Variants in RAB8B observed in about 807,000 individuals in gnomAD.
RAB8B encodes the protein ras-related protein Rab-8B.
RAB8B carries 11 observed loss-of-function variants against 32.0 expected under a neutral mutation model. The ratio of observed to expected loss-of-function variants is 0.34; its 90% CI spans 0.22 to 0.57. The LOEUF (loss-of-function observed/expected upper bound fraction) is 0.57. Among genes scored for constraint, RAB8B ranks in the 20% least tolerant of loss-of-function variants. The pLI, the probability that RAB8B is intolerant of heterozygous loss-of-function variation, is 0.86. For synonymous variants in RAB8B, 103 were observed against 89.6 expected (o/e 1.15, Z -0.85); for missense variants, 190 against 258.5 (o/e 0.73, Z 1.82).
At chr15:63,253,656 A>AAAAG (rs749511294) in intron 3 of RAB8B, among the ~76,000 whole-genome samples, 1 of 152,164 alleles carries the variant, frequency 6.6e-6, no homozygotes, top group Non-Finnish European at 1.5e-5. Context: ...ATCTCTAAAA[A>AAAAG]AAAGAAAGAA....
chr15:63,237,481 G>T lies in RAB8B; in HGVS notation c.125-7275G>T, dbSNP rs1595745035. Among the ~76,000 whole-genome samples, 3 of 152,270 alleles carry T rather than the reference G, an allele frequency of 2.0e-5. No individual in the cohort carries two copies. In the South Asian group the frequency reaches 6.2e-4, roughly 32 times the overall value. On this transcript the variant is annotated intron_variant, in intron 1 of 7. Transcript: ENST00000321437. ...TAGTTTTCATTTGCATTTCTCTGAT[G>T]ATCACTGATGTTGAACACCTTTTCA...
intron 1 of RAB8B, among the ~76,000 whole-genome samples, chr15:63,212,098 G>T (rs1012097663): frequency 2.0e-5 from 3 of 152,108 alleles, no homozygotes; most frequent in Non-Finnish European, 2.9e-5. Flanking sequence ...ATCCCAAAGC[G>T]CTGGGATTAC....
intron 5 of RAB8B, among the ~76,000 whole-genome samples, chr15:63,258,634 T>G (rs767447498): frequency 6.6e-5 from 10 of 151,778 alleles, no homozygotes; most frequent in Non-Finnish European, 1.5e-4. Context: ...AGAGTGGGAG[T>G]GGGCTTGAGC....
chr15:63,193,067 A>G (rs1361969224), intron 1 of RAB8B, among the ~76,000 whole-genome samples: 2 of 152,126 alleles, frequency 1.3e-5, no homozygotes, highest in Non-Finnish European at 2.9e-5. Flanking sequence ...TACAAAAAGT[A>G]AATTAAAAAA....
chr15:63,258,824 C>G (rs189173708), intron 5 of RAB8B, among the ~76,000 whole-genome samples: 1 of 152,136 alleles, frequency 6.6e-6, no homozygotes, highest in African/African-American at 2.4e-5. Flanking sequence ...CCTGCGCAGA[C>G]GTCTGATTGG....
At position 63,263,852 on chromosome 15, in the gene RAB8B, CT is replaced by C; in HGVS notation, c.*234del. ...AAGTGGAGACACATGCAGGACCTAA[CT>C]CGTTTTTTCCTTGTTTTATTACCTG... On this transcript the variant is annotated 3_prime_UTR_variant, in exon 8 of 8. Coordinates refer to ENST00000321437, the MANE Select transcript of RAB8B (RefSeq NM_016530.3). The C allele has an allele frequency of 7.1e-6, 3 of 420,888 alleles. No homozygotes were observed. In the Admixed American group the frequency reaches 1.2e-4, roughly 17 times the overall value. The allele number at this position is 420,888 out of a possible 1,614,324, so 26.1% of individuals were successfully genotyped here.
chr15:63,257,237 A>G (rs551102094), intron 5 of RAB8B, among the ~76,000 whole-genome samples: 5 of 151,918 alleles, frequency 3.3e-5, no homozygotes, highest in African/African-American at 1.2e-4. Context: ...TAAAAAAATT[A>G]TATATGCAAA....
chr15:63,209,554 G>A (rs1219480088), intron 1 of RAB8B, among the ~76,000 whole-genome samples: 1 of 152,030 alleles, frequency 6.6e-6, no homozygotes, highest in Admixed American at 6.6e-5. Flanking sequence ...TCACACCACT[G>A]CACTCCAGCC....
intron 1 of RAB8B, among the ~76,000 whole-genome samples, chr15:63,210,782 C>T (rs1385066060): frequency 6.6e-6 from 1 of 151,914 alleles, no homozygotes; most frequent in Non-Finnish European, 1.5e-5. Context: ...CATTCTTGGC[C>T]TTTTTTTTAC....
At chr15:63,209,830 C>T (rs897654359) in intron 1 of RAB8B, among the ~76,000 whole-genome samples, 1 of 151,798 alleles carries the variant, frequency 6.6e-6, no homozygotes, top group Non-Finnish European at 1.5e-5. Context: ...ATACATGTGC[C>T]ATGGTGGTTT....
In RAB8B at chr15:63,265,806, A is replaced by G. The variant is rs1431753308; in HGVS notation, c.*2187A>G. 6.6e-6 allele frequency: 1 copy of G among 152,324 alleles called. No homozygotes were observed. Among genetic ancestry groups the G allele is most frequent in the Non-Finnish European group, 1.5e-5 (1 of 67,918 alleles). 9.4% of individuals were successfully genotyped at this position (152,324 alleles called of 1,614,324 possible). ...TTTCTTCTTTCTTCTTTTGTCTTATATGGATTAATAACTAGTCTCCATGAA... is the reference window on the plus strand; with the variant it reads ...TTTCTTCTTTCTTCTTTTGTCTTATGTGGATTAATAACTAGTCTCCATGAA... On this transcript the variant is annotated 3_prime_UTR_variant, in exon 8 of 8. Transcript: ENST00000321437. The surrounding 1 kb of genome is among the most constrained non-coding windows in gnomAD (Gnocchi z 4.9).
intron 1 of RAB8B, among the ~76,000 whole-genome samples, chr15:63,244,292 T>A (rs2038054650): frequency 6.6e-6 from 1 of 152,186 alleles, no homozygotes; most frequent in Admixed American, 6.5e-5. Flanking sequence ...TCCCTTACTG[T>A]CAAATAGGCA....
intron 6 of RAB8B, among the ~76,000 whole-genome samples, chr15:63,262,343 T>C (rs921927666): frequency 1.3e-5 from 2 of 152,124 alleles, no homozygotes; most frequent in African/African-American, 4.8e-5. Context: ...TTTGATAACA[T>C]TGGAAAATGT....
intron 5 of RAB8B, 51 bp downstream of exon 5, chr15:63,256,645 T>G: frequency 7.9e-7 from 1 of 1,272,978 alleles, no homozygotes; most frequent in Non-Finnish European, 1.1e-6. Flanking sequence ...CATTAAGCAT[T>G]TCTTTTCTTC....
intron 1 of RAB8B, among the ~76,000 whole-genome samples, chr15:63,227,220 A>T (rs1309061142): frequency 6.6e-6 from 1 of 152,120 alleles, no homozygotes; most frequent in Non-Finnish European, 1.5e-5. Context: ...CCTGTTTAAG[A>T]TGGAGTTGCT....
intron 1 of RAB8B, among the ~76,000 whole-genome samples, chr15:63,194,369 G>GA (rs1159785910): frequency 2.6e-5 from 4 of 152,132 alleles, no homozygotes; most frequent in Non-Finnish European, 5.9e-5. Context: ...CTTTTCCAGG[G>GA]AAGAATTAGA....
At chr15:63,195,736 C>T (rs969955255) in intron 1 of RAB8B, among the ~76,000 whole-genome samples, 13 of 152,174 alleles carry the variant, frequency 8.5e-5, no homozygotes, top group African/African-American at 2.7e-4. Flanking sequence ...GGTGTTAGAA[C>T]TGTTACTTGA....
At chr15:63,207,229 G>T (rs1024279843) in intron 1 of RAB8B, among the ~76,000 whole-genome samples, 1 of 152,100 alleles carries the variant, frequency 6.6e-6, no homozygotes, top group Non-Finnish European at 1.5e-5. Context: ...TAAACTCCGC[G>T]AGTGCACATA....
intron 6 of RAB8B, among the ~76,000 whole-genome samples, chr15:63,260,906 T>C (rs2038198449): frequency 6.6e-6 from 1 of 152,210 alleles, no homozygotes; most frequent in African/African-American, 2.4e-5. Flanking sequence ...CATGACTTTA[T>C]TAGCCAGTGG....
Sources: allele counts gnomAD v4.1 joint callset (sites outside exome capture counted in the v4.1 genomes callset), GRCh38; gene constraint gnomAD v4.1.1; non-coding constraint Gnocchi (gnomAD v3.1); transcripts MANE v1.5; gene names NCBI Gene and HGNC (gene_info 2026-07-23, HGNC 2026-07-21).